The following CALU variants were observed in gnomAD, a reference collection of about 807,000 sequenced individuals.
CALU encodes the protein IEF SSP 9302.
In CALU, 13 loss-of-function variants were observed where a neutral mutation model predicts 37.5. The observed-to-expected ratio is 0.35, with a 90% CI of 0.23 to 0.55. The LOEUF is 0.55. Among genes scored for constraint, CALU ranks in the 20% least tolerant of loss-of-function variants. CALU has a pLI of 0.89. For synonymous variants in CALU, 114 were observed against 133.8 expected (o/e 0.85, Z 1.02); for missense variants, 282 against 391.7 (o/e 0.72, Z 2.36).
chr7:128,760,685 G>T (rs558228398), intron 5 of CALU, among the ~76,000 whole-genome samples: 1 of 152,184 alleles, frequency 6.6e-6, no homozygotes, highest in Non-Finnish European at 1.5e-5. Context: ...GAGGCGGGCG[G>T]ATCACAAGGT....
At chr7:128,768,863 A>AAAAAAAC (rs1554368156) in intron 6 of CALU, among the ~76,000 whole-genome samples, 200 bp from the exon 7 acceptor site, 4 of 147,930 alleles carry the variant, frequency 2.7e-5, no homozygotes, top group African/African-American at 7.9e-5. Context: ...AAAAAAAAAA[A>AAAAAAAC]AAAAACAAGG....
Position 128,759,052 on chromosome 7 carries a change from G to A in CALU, c.582+15G>A, listed in dbSNP as rs537626461. Reference sequence around the variant, plus strand: ...TAGTAGTACAGGTGGGTGAGATGAAGGATTCTGAACAGGGACTCAGTTTCT... The same window carrying A: ...TAGTAGTACAGGTGGGTGAGATGAAAGATTCTGAACAGGGACTCAGTTTCT... On this transcript the variant is annotated intron_variant, in intron 4 of 6. Coordinates refer to ENST00000249364, the MANE Select transcript of CALU (RefSeq NM_001219.5). The A allele has an allele frequency of 4.4e-6, 7 of 1,602,548 alleles. No individual in the cohort carries two copies. Among genetic ancestry groups the A allele is most frequent in the South Asian group, 3.4e-5 (3 of 89,208 alleles).
At chr7:128,748,540 C>A (rs1800533998) in intron 1 of CALU, 33 bp from the exon 2 acceptor site, 1 of 1,512,722 alleles carries the variant, frequency 6.6e-7, no homozygotes, top group Non-Finnish European at 9.1e-7. Context: ...AGCATACTGC[C>A]TCCTGAATTA....
intron 5 of CALU, among the ~76,000 whole-genome samples, chr7:128,763,392 G>A (rs1801199047): frequency 6.6e-6 from 1 of 152,046 alleles, no homozygotes; most frequent in Admixed American, 6.6e-5. Flanking sequence ...AGCCAGGTGT[G>A]GTGGCATGTG....
At chr7:128,743,566 G>A (rs2128877175) in intron 1 of CALU, among the ~76,000 whole-genome samples, 1 of 151,294 alleles carries the variant, frequency 6.6e-6, no homozygotes, top group South Asian at 2.1e-4. Context: ...CCCTCACCAA[G>A]GCTGGAGTGT....
In CALU at chr7:128,772,761, A is replaced by G. The variant is rs544210051; in HGVS notation, c.*3594A>G. On this transcript the variant is annotated 3_prime_UTR_variant, in exon 7 of 7. Transcript: ENST00000249364. The stretch of plus-strand genomic sequence containing the variant: ...ACCAAAGCCTTGCACAATGCTTTGT[A>G]CCCAGAATGCCCTTAGGTGGTTTTG... 5.2e-5 allele frequency: 78 copies of G among 1,487,024 alleles called. No individual in the cohort carries two copies. In the East Asian group the frequency reaches 8.8e-4, roughly 17 times the overall value. 92.1% of individuals were successfully genotyped at this position (1,487,024 alleles called of 1,614,324 possible).
chr7:128,752,921 G>T (rs1045779101), intron 2 of CALU, among the ~76,000 whole-genome samples: 1 of 152,034 alleles, frequency 6.6e-6, no homozygotes. Context: ...CTCACCTCCC[G>T]CCAGGTGATC....
intron 4 of CALU, among the ~76,000 whole-genome samples, chr7:128,759,515 G>A (rs1175736262): frequency 1.3e-5 from 2 of 152,168 alleles, no homozygotes; most frequent in Non-Finnish European, 2.9e-5. Context: ...ATCATCATGG[G>A]CTTGATGGGA....
intron 2 of CALU, among the ~76,000 whole-genome samples, chr7:128,750,234 A>G (rs1800616908): frequency 2.0e-5 from 3 of 149,166 alleles, no homozygotes; most frequent in East Asian, 3.9e-4. Flanking sequence ...AAAAAAAAAA[A>G]AAAAAAGAAA....
intron 1 of CALU, among the ~76,000 whole-genome samples, chr7:128,740,203 A>G (rs949514755): frequency 6.6e-6 from 1 of 152,210 alleles, no homozygotes; most frequent in Non-Finnish European, 1.5e-5. Context: ...TGCAGTTTCA[A>G]AAGCTGCTTT....
intron 5 of CALU, among the ~76,000 whole-genome samples, chr7:128,760,745 A>G (rs1377381189): frequency 1.3e-5 from 2 of 152,218 alleles, no homozygotes; most frequent in South Asian, 2.1e-4. Flanking sequence ...TGTCTCTACT[A>G]AAAATACAAA....
chr7:128,749,456 T>C (rs1800573920), intron 2 of CALU, among the ~76,000 whole-genome samples: 1 of 152,220 alleles, frequency 6.6e-6, no homozygotes. Context: ...TGATTATTTC[T>C]AATTGGGGAT....
intron 3 of CALU, among the ~76,000 whole-genome samples, chr7:128,755,027 G>T (rs62479568): frequency 6.6e-6 from 1 of 151,576 alleles, no homozygotes; most frequent in African/African-American, 2.4e-5. Flanking sequence ...GAATACATTG[G>T]GCTGGGTGCC....
intron 3 of CALU, 105 bp from the exon 4 acceptor site, chr7:128,758,766 C>T (rs1800986551): frequency 2.5e-6 from 2 of 801,082 alleles, no homozygotes; most frequent in South Asian, 1.7e-5. Context: ...TCAATTATTT[C>T]TTCCTTGCAT....
At chr7:128,751,015 C>G (rs538101485) in intron 2 of CALU, among the ~76,000 whole-genome samples, 1 of 152,192 alleles carries the variant, frequency 6.6e-6, no homozygotes, top group South Asian at 2.1e-4. Context: ...TCTGGCTGGG[C>G]GCAATGGCTC....
At chr7:128,760,780 C>T (rs371717468) in intron 5 of CALU, among the ~76,000 whole-genome samples, 2,000 of 151,630 alleles carry the variant, frequency 0.013, 40 homozygotes, top group African/African-American at 0.044. Flanking sequence ...TAGTGGCAGG[C>T]GCCTGTAGTC....
chr7:128,742,739 A>G (rs1445595634), intron 1 of CALU, among the ~76,000 whole-genome samples: 1 of 152,184 alleles, frequency 6.6e-6, no homozygotes, highest in Admixed American at 6.5e-5. Flanking sequence ...GAAGAAACCA[A>G]TTCTTAAGAC....
At chr7:128,758,021 C>A (rs1800957928) in intron 3 of CALU, among the ~76,000 whole-genome samples, 1 of 151,932 alleles carries the variant, frequency 6.6e-6, no homozygotes, top group Non-Finnish European at 1.5e-5. Context: ...GTGAAACCAC[C>A]ACTGCAATCA....
At chr7:128,740,671 A>G (rs1378840912) in intron 1 of CALU, among the ~76,000 whole-genome samples, 1 of 151,932 alleles carries the variant, frequency 6.6e-6, no homozygotes, top group African/African-American at 2.4e-5. Flanking sequence ...GGGGGTTCCA[A>G]TAGGATTCTT....
Sources: allele counts gnomAD v4.1 joint callset (sites outside exome capture counted in the v4.1 genomes callset), GRCh38; gene constraint gnomAD v4.1.1; transcripts MANE v1.5; gene names NCBI Gene and HGNC (gene_info 2026-07-23, HGNC 2026-07-21).